The following COG5 variants were observed in gnomAD, a reference collection of about 807,000 sequenced individuals.
COG5 encodes the protein conserved oligomeric Golgi complex subunit 5.
In COG5, 86 loss-of-function variants were observed where a neutral mutation model predicts 110.4. That is an observed-to-expected ratio of 0.78 (90% CI 0.65 to 0.93). The LOEUF (loss-of-function observed/expected upper bound fraction) is 0.93, where lower values mean the gene tolerates loss of function less well. COG5 is among the 40% of genes least tolerant of loss of function. The probability of loss-of-function intolerance (pLI) is 0.00; values close to 1 mark genes in which losing one functional copy is unlikely to be tolerated. For missense variants in COG5, 1,077 were observed against 987.0 expected (o/e 1.09, Z -1.22); for synonymous variants, 360 against 334.6 (o/e 1.08, Z -0.83).
chr7:107,539,436 G>A (rs1350012279), intron 5 of COG5, among the ~76,000 whole-genome samples: 2 of 152,080 alleles, frequency 1.3e-5, no homozygotes, highest in African/African-American at 4.8e-5. Flanking sequence ...ACATTAAGAA[G>A]GCAAATACTA....
chr7:107,283,438 T>A, intron 13 of COG5, 133 bp downstream of exon 13: 1 of 736,242 alleles, frequency 1.4e-6, no homozygotes. Flanking sequence ...TCATTTACTA[T>A]AAAATTCTTA....
rs1160913418 is a variant in COG5 at position 107,544,764 on chromosome 7, A to C, written c.417+3347T>G. On this transcript the variant is annotated intron_variant, in intron 5 of 21. Coordinates refer to ENST00000297135, the MANE Select transcript of COG5 (RefSeq NM_006348.5). ...CAAGAATCACAATCAGGGAAACATA[A>C]CACCACCAAAGGAACAAACATTAAA... 4.6e-5 allele frequency among the ~76,000 whole-genome samples: 7 copies of C among 152,350 alleles called. No individual in the cohort carries two copies. The East Asian group carries it at 5.8e-4, about 13-fold the overall frequency.
At chr7:107,322,919 AAG>A (rs1809432060) in intron 11 of COG5, among the ~76,000 whole-genome samples, 1 of 152,196 alleles carries the variant, frequency 6.6e-6, no homozygotes, top group Non-Finnish European at 1.5e-5. Flanking sequence ...AACAACATGG[AAG>A]AATCTTAATT....
chr7:107,422,150 A>G (rs1220021320), intron 6 of COG5, among the ~76,000 whole-genome samples: 1 of 152,216 alleles, frequency 6.6e-6, no homozygotes, highest in East Asian at 1.9e-4. Context: ...CAATCAAACC[A>G]AAAGTTGACT....
At chr7:107,336,010 C>T (rs557804722) in intron 10 of COG5, among the ~76,000 whole-genome samples, 1 of 152,112 alleles carries the variant, frequency 6.6e-6, no homozygotes, top group South Asian at 2.1e-4. Context: ...TAGATAGCAA[C>T]ACAATAATAG....
chr7:107,451,348 T>C (rs1020655383), intron 6 of COG5, among the ~76,000 whole-genome samples: 6 of 152,080 alleles, frequency 3.9e-5, no homozygotes, highest in Admixed American at 6.5e-5. Context: ...AGAAAACAAA[T>C]TGACATTAGA....
intron 10 of COG5, among the ~76,000 whole-genome samples, chr7:107,347,516 G>T (rs935766280): frequency 2.0e-5 from 3 of 152,134 alleles, no homozygotes; most frequent in Non-Finnish European, 4.4e-5. Flanking sequence ...GAAATGAATT[G>T]CTCTCAAATA....
intron 7 of COG5, among the ~76,000 whole-genome samples, chr7:107,383,777 T>C (rs557620894): frequency 6.6e-6 from 1 of 152,184 alleles, no homozygotes; most frequent in Non-Finnish European, 1.5e-5. Flanking sequence ...CGGGAAGCCA[T>C]TAAAAGATGC....
intron 6 of COG5, among the ~76,000 whole-genome samples, chr7:107,508,599 C>A (rs1405622730): frequency 6.6e-6 from 1 of 152,220 alleles, no homozygotes; most frequent in Non-Finnish European, 1.5e-5. Context: ...GGGTCCGTGA[C>A]CCCCGAGCAG....
At chr7:107,276,978 A>T (rs996560135) in intron 14 of COG5, among the ~76,000 whole-genome samples, 1 of 152,216 alleles carries the variant, frequency 6.6e-6, no homozygotes, top group Non-Finnish European at 1.5e-5. Context: ...TTAAACACAT[A>T]TTGCAGGAAC....
chr7:107,229,356 G>T (rs1365449339), intron 19 of COG5, among the ~76,000 whole-genome samples: 2 of 152,162 alleles, frequency 1.3e-5, no homozygotes, highest in Non-Finnish European at 2.9e-5. Context: ...GGCAGAGACA[G>T]GAGAATCGCT....
chr7:107,509,953 A>T (rs1054806800), intron 6 of COG5, among the ~76,000 whole-genome samples: 3 of 152,318 alleles, frequency 2.0e-5, no homozygotes, highest in Non-Finnish European at 2.9e-5. Flanking sequence ...ACATGACAAA[A>T]TGTAAAGACC....
intron 18 of COG5, among the ~76,000 whole-genome samples, 198 bp downstream of exon 18, chr7:107,236,252 T>C (rs1317653664): frequency 6.6e-6 from 1 of 152,038 alleles, no homozygotes; most frequent in Non-Finnish European, 1.5e-5. Flanking sequence ...ATTATTTTGT[T>C]AAATACAAAG....
intron 7 of COG5, among the ~76,000 whole-genome samples, chr7:107,385,062 C>G (rs1790086856): frequency 6.6e-6 from 1 of 152,172 alleles, no homozygotes; most frequent in South Asian, 2.1e-4. Flanking sequence ...TAAAGTCATA[C>G]TGAATTATAG....
chr7:107,342,762 G>A (rs1167990129), intron 10 of COG5, among the ~76,000 whole-genome samples: 1 of 152,112 alleles, frequency 6.6e-6, no homozygotes, highest in Non-Finnish European at 1.5e-5. Context: ...TTTATACGTT[G>A]CTTCTGGCAA....
chr7:107,251,109 T>C (rs116340661), intron 16 of COG5, among the ~76,000 whole-genome samples: 641 of 18,070 alleles, frequency 0.035, 4 homozygotes, highest in African/African-American at 0.13. Context: ...AAACCAAAGA[T>C]AAACAGAAAA....
chr7:107,248,608 C>T, intron 16 of COG5, 109 bp from the exon 17 acceptor site: 1 of 738,232 alleles, frequency 1.4e-6, no homozygotes, highest in Non-Finnish European at 2.3e-6. Context: ...CATATTATAT[C>T]AAATGCAGAC....
At chr7:107,445,629 T>C (rs1041440610) in intron 6 of COG5, among the ~76,000 whole-genome samples, 1 of 152,180 alleles carries the variant, frequency 6.6e-6, no homozygotes, top group Admixed American at 6.5e-5. Context: ...ATCTTACAAA[T>C]TGTTCTATTT....
rs570233082 is a variant in COG5, at chr7:107,508,092, C to T, written c.538+19145G>A. 1.3e-3 allele frequency among the ~76,000 whole-genome samples: 191 copies of T among 152,328 alleles called. 2 individuals are homozygous for T. The highest frequency in any genetic ancestry group is 4.4e-3 in the African/African-American group (182 of 41,580). ...AAGCAGGGCGAGGCATTGCCTCACT[C>T]GGGAAGAGCAAGGGGTCAGGGAGTT... On this transcript the variant is annotated intron_variant, in intron 6 of 21. Transcript: ENST00000297135.
Sources: gnomAD v4.1 joint callset for allele counts (sites outside exome capture counted in the v4.1 genomes callset) on GRCh38, gnomAD v4.1.1 for gene constraint, MANE v1.5 for transcripts, NCBI Gene and HGNC (gene_info 2026-07-23, HGNC 2026-07-21) for gene names.